Variants in CTNNA2 observed in about 807,000 individuals in gnomAD.
CTNNA2 encodes the protein catenin alpha 2, also known as catenin alpha-2.
A neutral mutation model predicts 101.0 loss-of-function variants in CTNNA2; 42 were observed. That is an observed-to-expected ratio of 0.42 (90% CI 0.32 to 0.54). The LOEUF is 0.54. Among genes scored for constraint, CTNNA2 ranks in the 20% least tolerant of loss-of-function variants. The pLI, the probability that CTNNA2 is intolerant of heterozygous loss-of-function variation, is 0.14. For synonymous variants in CTNNA2, 450 were observed against 456.4 expected (o/e 0.99, Z 0.18); for missense variants, 871 against 1,223.1 (o/e 0.71, Z 4.29).
At chr2:79,483,050 C>G (rs1671124960) in intron 4 of CTNNA2, among the ~76,000 whole-genome samples, 1 of 152,208 alleles carries the variant, frequency 6.6e-6, no homozygotes, top group Non-Finnish European at 1.5e-5. Flanking sequence ...CAAATCTTAG[C>G]AGCTTGTAAG....
intron 1 of CTNNA2, among the ~76,000 whole-genome samples, chr2:79,580,903 T>C (rs1292881854): frequency 1.3e-5 from 2 of 152,212 alleles, no homozygotes; most frequent in Admixed American, 6.5e-5. Flanking sequence ...TCAAAATTCA[T>C]TTATAGCTTT....
intron 2 of CTNNA2, among the ~76,000 whole-genome samples, chr2:79,736,849 G>C (rs1670918420): frequency 6.6e-6 from 1 of 152,028 alleles, no homozygotes; most frequent in Non-Finnish European, 1.5e-5. Context: ...AAATTATCTT[G>C]GTTCTCCTTT....
chr2:79,610,333 G>A (rs780124177), intron 1 of CTNNA2, among the ~76,000 whole-genome samples: 3 of 152,026 alleles, frequency 2.0e-5, no homozygotes, highest in African/African-American at 4.8e-5. Context: ...AAATATAGTG[G>A]TAAAAATACT....
intron 7 of CTNNA2, among the ~76,000 whole-genome samples, chr2:80,367,117 G>T (rs932574571): frequency 6.6e-6 from 1 of 151,778 alleles, no homozygotes; most frequent in South Asian, 2.1e-4. Context: ...AGGCAGGTTT[G>T]CTCTAAGCAG....
intron 2 of CTNNA2, among the ~76,000 whole-genome samples, chr2:79,284,869 G>C (rs1186043675): frequency 3.6e-5 from 5 of 140,430 alleles, no homozygotes; most frequent in African/African-American, 1.3e-4. Context: ...GGTAGAATTC[G>C]GCTGTGAATC....
intron 3 of CTNNA2, among the ~76,000 whole-genome samples, chr2:79,354,235 G>A (rs1000926685): frequency 6.6e-6 from 1 of 151,990 alleles, no homozygotes; most frequent in Non-Finnish European, 1.5e-5. Flanking sequence ...AGAAAGACTG[G>A]GAAACATTTC....
intron 7 of CTNNA2, among the ~76,000 whole-genome samples, chr2:79,982,469 A>C (rs1691444863): frequency 7.8e-6 from 1 of 128,212 alleles, no homozygotes; most frequent in African/African-American, 3.8e-5. Flanking sequence ...ACAGACTCCT[A>C]ACTACACACA....
At chr2:79,365,820 C>T (rs902548799) in intron 3 of CTNNA2, among the ~76,000 whole-genome samples, 1 of 152,062 alleles carries the variant, frequency 6.6e-6, no homozygotes, top group African/African-American at 2.4e-5. Context: ...GCCAAGAGAG[C>T]CCAGGGAAGG....
In CTNNA2 at chr2:80,027,400, C is replaced by A. The variant is rs529635203; in HGVS notation, c.1056+117603C>A. ...CAGCCCACATGGGGCCTCTTAAAGACTGTGGTTAGACAGGTCTACGAAAAT... is the reference window on the plus strand; with the variant it reads ...CAGCCCACATGGGGCCTCTTAAAGAATGTGGTTAGACAGGTCTACGAAAAT... On this transcript the variant is annotated intron_variant, in intron 7 of 18. Transcript: ENST00000402739. Among the ~76,000 whole-genome samples, 3 of 152,324 alleles carry A rather than the reference C, an allele frequency of 2.0e-5. No individual in the cohort carries two copies. The South Asian group carries it at 6.2e-4, about 32-fold the overall frequency.
At chr2:80,156,111 G>A (rs1703985852) in intron 7 of CTNNA2, among the ~76,000 whole-genome samples, 1 of 152,162 alleles carries the variant, frequency 6.6e-6, no homozygotes, top group Admixed American at 6.5e-5. Flanking sequence ...CACATTTTGA[G>A]TTATAAGGCT....
intron 3 of CTNNA2, among the ~76,000 whole-genome samples, chr2:79,347,293 C>T (rs985427326): frequency 7.9e-5 from 12 of 152,060 alleles, no homozygotes; most frequent in South Asian, 4.1e-4. Flanking sequence ...CTTAAAGTCT[C>T]GAGCAGGAAG....
At chr2:80,501,935 G>A (rs1324871267) in intron 9 of CTNNA2, among the ~76,000 whole-genome samples, 2 of 152,178 alleles carry the variant, frequency 1.3e-5, no homozygotes. Flanking sequence ...CTGAACTCAA[G>A]ATTGGAAAAT....
At chr2:79,722,779 C>T (rs942383299) in intron 2 of CTNNA2, among the ~76,000 whole-genome samples, 1 of 152,132 alleles carries the variant, frequency 6.6e-6, no homozygotes, top group Non-Finnish European at 1.5e-5. Context: ...AATTGGTCCA[C>T]AGGCAAAGTA....
chr2:80,502,638 T>A (rs2149535442), intron 9 of CTNNA2, among the ~76,000 whole-genome samples: 1 of 152,308 alleles, frequency 6.6e-6, no homozygotes, highest in East Asian at 1.9e-4. Context: ...TATCTGGCAG[T>A]TAGTGGTCAG....
intron 7 of CTNNA2, among the ~76,000 whole-genome samples, chr2:80,138,323 C>T (rs1245037524): frequency 1.3e-5 from 2 of 151,972 alleles, no homozygotes; most frequent in East Asian, 3.9e-4. Context: ...CTTTACAGTC[C>T]CATTGTTTGG....
chr2:80,529,761 A>G (rs1690362288), intron 9 of CTNNA2, among the ~76,000 whole-genome samples: 1 of 152,200 alleles, frequency 6.6e-6, no homozygotes, highest in Admixed American at 6.5e-5. Flanking sequence ...ATTAGTCAGA[A>G]CACCAACTTA....
intron 7 of CTNNA2, among the ~76,000 whole-genome samples, chr2:80,385,718 G>A (rs2149355644): frequency 6.6e-6 from 1 of 151,680 alleles, no homozygotes; most frequent in Non-Finnish European, 1.5e-5. Context: ...CTGTCTCTCT[G>A]TCTTTCTCCG....
At chr2:79,744,337 T>C in intron 2 of CTNNA2, 50 bp from the exon 3 acceptor site, 1 of 1,518,004 alleles carries the variant, frequency 6.6e-7, no homozygotes, top group Non-Finnish European at 8.9e-7. Flanking sequence ...AACATGACAT[T>C]TCTAGACAGT....
intron 7 of CTNNA2, among the ~76,000 whole-genome samples, chr2:80,319,851 G>A (rs567638042): frequency 7.2e-5 from 11 of 152,172 alleles, no homozygotes; most frequent in Admixed American, 1.3e-4. Flanking sequence ...GTATAAAGAC[G>A]GTAACCATTC....
Sources: allele counts gnomAD v4.1 joint callset (sites outside exome capture counted in the v4.1 genomes callset), GRCh38; gene constraint gnomAD v4.1.1; transcripts MANE v1.5; gene names NCBI Gene and HGNC (gene_info 2026-07-23, HGNC 2026-07-21).